The following GNG2 variants were observed in gnomAD, a reference collection of about 807,000 sequenced individuals.
GNG2 encodes the protein guanine nucleotide-binding protein G(I)/G(S)/G(O) subunit gamma-2.
A neutral mutation model predicts 5.5 loss-of-function variants in GNG2; 5 were observed. The observed-to-expected ratio is 0.91, with a 90% CI of 0.48 to 1.92. The LOEUF (loss-of-function observed/expected upper bound fraction) is 1.92. GNG2 is among the 30% of genes most tolerant of loss of function. The probability of loss-of-function intolerance (pLI) is 0.01; values close to 1 mark genes in which losing one functional copy is unlikely to be tolerated. For synonymous variants in GNG2, 28 were observed against 32.0 expected, an observed-to-expected ratio of 0.88 and a Z score of 0.42; for missense variants, 55 against 88.4, an observed-to-expected ratio of 0.62 and a Z score of 1.52.
chr14:51,903,705 C>T (rs1050452606), intron 2 of GNG2, among the ~76,000 whole-genome samples: 1 of 152,096 alleles, frequency 6.6e-6, no homozygotes, highest in Non-Finnish European at 1.5e-5. Flanking sequence ...GTAGCATAGA[C>T]CTGCACGATA....
chr14:51,868,860 A>T (rs1184706818), intron 1 of GNG2, among the ~76,000 whole-genome samples: 8 of 152,232 alleles, frequency 5.3e-5, no homozygotes, highest in Admixed American at 5.2e-4. Flanking sequence ...ATTGATTTAC[A>T]CAGTCAGGAA....
intron 2 of GNG2, among the ~76,000 whole-genome samples, chr14:51,890,051 AG>A (rs1336729345): frequency 3.9e-5 from 6 of 152,236 alleles, no homozygotes; most frequent in Non-Finnish European, 1.5e-5. Flanking sequence ...ATCCTTGGAA[AG>A]GAAAAGAAGC....
intron 2 of GNG2, among the ~76,000 whole-genome samples, chr14:51,949,982 C>T (rs1464872304): frequency 1.3e-5 from 2 of 152,152 alleles, no homozygotes; most frequent in Non-Finnish European, 2.9e-5. Context: ...TCAAGGGATC[C>T]TCCCACCTTG....
intron 1 of GNG2, among the ~76,000 whole-genome samples, chr14:51,871,632 A>G (rs1237202467): frequency 6.6e-6 from 1 of 152,256 alleles, no homozygotes; most frequent in Non-Finnish European, 1.5e-5. Context: ...TTCAAAATAA[A>G]TATATTATTA....
At chr14:51,899,744 A>G (rs1885431405) in intron 2 of GNG2, among the ~76,000 whole-genome samples, 1 of 152,232 alleles carries the variant, frequency 6.6e-6, no homozygotes, top group Non-Finnish European at 1.5e-5. Flanking sequence ...ACATACATAT[A>G]AGTGGAATCA....
At chr14:51,842,839 A>G (rs1881519976) in intron 2 of GNG2, among the ~76,000 whole-genome samples, 1 of 151,934 alleles carries the variant, frequency 6.6e-6, no homozygotes, top group Non-Finnish European at 1.5e-5. Context: ...TAATTTTTGT[A>G]TTTTTAGTAG....
At chr14:51,943,591 G>A (rs1304159892) in intron 2 of GNG2, among the ~76,000 whole-genome samples, 1 of 152,210 alleles carries the variant, frequency 6.6e-6, no homozygotes, top group African/African-American at 2.4e-5. Flanking sequence ...TAAAACTCAT[G>A]TGAAGGTAGA....
intron 2 of GNG2, among the ~76,000 whole-genome samples, chr14:51,929,022 G>A (rs141532353): frequency 2.9e-3 from 441 of 152,228 alleles, no homozygotes; most frequent in Non-Finnish European, 5.2e-3. Flanking sequence ...CTGTTCTGTC[G>A]TTTATCTATA....
At chr14:51,911,118 G>A (rs1886266960) in intron 2 of GNG2, among the ~76,000 whole-genome samples, 1 of 152,210 alleles carries the variant, frequency 6.6e-6, no homozygotes, top group Non-Finnish European at 1.5e-5. Flanking sequence ...TGTGGTCAGG[G>A]CCCTGGAAGC....
At chr14:51,887,059 C>T (rs1884507843) in intron 2 of GNG2, among the ~76,000 whole-genome samples, 1 of 152,166 alleles carries the variant, frequency 6.6e-6, no homozygotes, top group Non-Finnish European at 1.5e-5. Flanking sequence ...AAGGTTATAG[C>T]CCATGTTCAA....
chr14:51,909,628 C>T (rs759701805), intron 2 of GNG2, among the ~76,000 whole-genome samples: 5 of 152,148 alleles, frequency 3.3e-5, no homozygotes, highest in Admixed American at 6.5e-5. Context: ...GTGACTGATT[C>T]GTAGGCAGAG....
intron 2 of GNG2, among the ~76,000 whole-genome samples, chr14:51,881,054 G>C (rs571556255): frequency 1.7e-4 from 25 of 149,422 alleles, no homozygotes; most frequent in Admixed American, 1.5e-3. Flanking sequence ...TGCCCTTTCA[G>C]TTCTCCTGTG....
intron 2 of GNG2, among the ~76,000 whole-genome samples, chr14:51,905,655 G>A (rs564427664): frequency 1.3e-5 from 2 of 152,288 alleles, no homozygotes; most frequent in African/African-American, 4.8e-5. Flanking sequence ...TCTTTGGCAG[G>A]GTGATATGGT....
rs150826162 is a variant in GNG2 at position 51,891,785 on chromosome 14, A to G, written c.-30+14128A>G. 2.7e-4 allele frequency among the ~76,000 whole-genome samples: 41 copies of G among 152,308 alleles called. No individual in the cohort carries two copies. The East Asian group carries it at 7.7e-3, about 29-fold the overall frequency. On this transcript the variant is annotated intron_variant, in intron 2 of 3. Coordinates refer to ENST00000556766, the MANE Select transcript of GNG2 (RefSeq NM_053064.5). Reference sequence around the variant, plus strand: ...GCTATCTAGCAATAATTAGTGTATCATTCTTCCACTGTGTGAAATATCACA... The same window carrying G: ...GCTATCTAGCAATAATTAGTGTATCGTTCTTCCACTGTGTGAAATATCACA...
chr14:51,925,535 T>C (rs1186208899), intron 2 of GNG2, among the ~76,000 whole-genome samples: 1 of 152,192 alleles, frequency 6.6e-6, no homozygotes. Flanking sequence ...TCTGCTCCTC[T>C]GAAAATCGGA....
At chr14:51,913,941 T>TC (rs1344764047) in intron 2 of GNG2, among the ~76,000 whole-genome samples, 6 of 152,246 alleles carry the variant, frequency 3.9e-5, no homozygotes, top group African/African-American at 1.4e-4. Context: ...AATACCTTTT[T>TC]CATACATATG....
chr14:51,936,037 G>A (rs1212570454), intron 2 of GNG2, among the ~76,000 whole-genome samples: 1 of 152,036 alleles, frequency 6.6e-6, no homozygotes, highest in Non-Finnish European at 1.5e-5. Context: ...AAATCATCAA[G>A]CCCCATCCTG....
intron 2 of GNG2, chr14:51,940,514 A>C (rs974912866): frequency 2.6e-5 from 4 of 152,116 alleles, no homozygotes; most frequent in Admixed American, 6.5e-5. Flanking sequence ...AAACCTCCAC[A>C]CTGCTGCTCA....
chr14:51,955,500 C>G (rs1889224534), intron 3 of GNG2, among the ~76,000 whole-genome samples: 1 of 152,152 alleles, frequency 6.6e-6, no homozygotes, highest in Non-Finnish European at 1.5e-5. Context: ...TTGCATCTTT[C>G]ATGGTACTGG....
Sources: gnomAD v4.1 joint callset for allele counts (sites outside exome capture counted in the v4.1 genomes callset) on GRCh38, gnomAD v4.1.1 for gene constraint, MANE v1.5 for transcripts, NCBI Gene and HGNC (gene_info 2026-07-23, HGNC 2026-07-21) for gene names.